The following HDAC10 variants were observed in gnomAD, a reference collection of about 807,000 sequenced individuals.
HDAC10 encodes the protein polyamine deacetylase HDAC10.
In HDAC10, 90 loss-of-function variants were observed where a neutral mutation model predicts 82.3. The ratio of observed to expected loss-of-function variants is 1.09; its 90% CI spans 0.92 to 1.30. HDAC10 has a LOEUF of 1.30. Among genes scored for constraint, HDAC10 ranks in the 50% most tolerant of loss-of-function variants. HDAC10 has a pLI of 0.00. For synonymous variants in HDAC10, 456 were observed against 391.7 expected, an observed-to-expected ratio of 1.16 and a Z score of -1.94; for missense variants, 934 against 876.3, an observed-to-expected ratio of 1.07 and a Z score of -0.83.
Position 50,248,883 on chromosome 22 carries a change from G to A in HDAC10, c.764C>T (p.Pro255Leu), listed in dbSNP as rs1423025145. The A allele has an allele frequency of 1.2e-6, 2 of 1,611,436 alleles. No individual in the cohort carries two copies. The highest frequency in any genetic ancestry group is 1.7e-6 in the Non-Finnish European group (2 of 1,179,424). Residue 255 changes from proline to leucine, a missense_variant, in exon 9 of 20, where the codon CCT becomes CTT. Transcript: ENST00000216271. The surrounding 1 kb of genome is among the most constrained non-coding windows in gnomAD (Gnocchi z 5.4). Reference protein sequence around the residue: ...LLLPLAFEFDPELVLVSAGFD... With the variant: ...LLLPLAFEFDLELVLVSAGFD... ...TCCTGCCGAGACCAGCACCAGCTCA[G>A]GGTCAAACTACAGGCCAGGCCGGAG... is the stretch of plus-strand genomic sequence containing the variant.
chr22:50,247,137 A>AT (rs35992238), intron 14 of HDAC10, 171 bp from the exon 15 acceptor site: 122,010 of 377,952 alleles, frequency 0.32, 10,702 homozygotes, highest in African/African-American at 0.44. Context: ...TACGTCTATA[A>AT]TTTTTTTTTT....
In HDAC10 at chr22:50,251,060, C is replaced by A; in HGVS notation, c.-28G>T. 6.3e-7 allele frequency: 1 copy of A among 1,599,920 alleles called. No homozygotes were observed. Among genetic ancestry groups the A allele is most frequent in the East Asian group, 2.3e-5 (1 of 43,966 alleles). On this transcript the variant is annotated 5_prime_UTR_variant, in exon 1 of 20. Transcript: ENST00000216271. ...CTGCGCCGTGGTCACCCTGGGTTCC[C>A]AAACGCCCTCGCTAGTGGTGCCTGC... is the stretch of plus-strand genomic sequence containing the variant.
chr22:50,248,470 GC>G lies in HDAC10; in HGVS notation c.908del (p.Gly303AlafsTer14). On this transcript the variant is annotated frameshift_variant and splice_region_variant, in exon 11 of 20. Transcript: ENST00000216271. LOFTEE classifies it high-confidence loss of function. The surrounding 1 kb of genome is among the most constrained non-coding windows in gnomAD (Gnocchi z 5.4). Reference sequence around the variant, plus strand: ...CCGCCAGTGACTCCAGGTGGTAGCCGCCCTGGGAGGAGGGTGGAGACATGAT... The same window carrying G: ...CCGCCAGTGACTCCAGGTGGTAGCCGCCTGGGAGGAGGGTGGAGACATGAT... The part of the protein sequence containing the change: ...AGGRVCAVLE[G>X]GYHLESLAES... 6.2e-7 allele frequency: 1 copy of G among 1,605,018 alleles called. No individual in the cohort carries two copies.
intron 14 of HDAC10, 81 bp from the exon 15 acceptor site, chr22:50,247,047 C>A: frequency 1.2e-6 from 1 of 815,244 alleles, no homozygotes; most frequent in South Asian, 1.8e-5. Flanking sequence ...TCCCTTCATT[C>A]GGTGTGTCTC....
chr22:50,245,422 G>C lies in HDAC10; in HGVS notation c.*85C>G, dbSNP rs2064915269. The C allele has an allele frequency of 4.2e-6, 3 of 717,630 alleles. No homozygotes were observed. Among genetic ancestry groups the C allele is most frequent in the Non-Finnish European group, 5.2e-6 (2 of 387,980 alleles). 44.5% of individuals were successfully genotyped at this position (717,630 alleles called of 1,614,324 possible). A position where few individuals can be genotyped will look rare whatever the true frequency, so the allele number is the denominator to read the frequency against. ...TCCGTGCCCCAGAGTCGAGGGAGCC[G>C]TGGGCTTGGGGTCCGGATCGCGGCC... On this transcript the variant is annotated 3_prime_UTR_variant, in exon 20 of 20. Transcript: ENST00000216271.
Position 50,245,380 on chromosome 22 carries a change from T to C in HDAC10, c.*127A>G, listed in dbSNP as rs1432187092. On this transcript the variant is annotated 3_prime_UTR_variant, in exon 20 of 20. Coordinates refer to ENST00000216271, the MANE Select transcript of HDAC10 (RefSeq NM_032019.6). ...GGTGGGAGAGGGCGGGGCGCGGGGATTGGGAGTGGGCGGGGTTCCGTGCCC... is the reference window on the plus strand; with the variant it reads ...GGTGGGAGAGGGCGGGGCGCGGGGACTGGGAGTGGGCGGGGTTCCGTGCCC... The C allele has an allele frequency of 3.0e-6, 2 of 674,124 alleles. No homozygotes were observed. The highest frequency in any genetic ancestry group is 2.8e-5 in the East Asian group (1 of 35,838). 41.8% of individuals were successfully genotyped at this position (674,124 alleles called of 1,614,324 possible).
intron 14 of HDAC10, 181 bp from the exon 15 acceptor site, chr22:50,247,147 T>TC: frequency 2.0e-6 from 1 of 499,762 alleles, no homozygotes; most frequent in South Asian, 3.2e-5. Flanking sequence ...ATTTTTTTTT[T>TC]TTTTTTTAGA....
At chr22:50,247,545 G>A (rs2064984971) in intron 14 of HDAC10, 147 bp downstream of exon 14, 1 of 612,600 alleles carries the variant, frequency 1.6e-6, no homozygotes, top group Non-Finnish European at 2.8e-6. Context: ...GGGCTGTTCT[G>A]GGAACAGTTC....
In HDAC10 at chr22:50,245,541, A is replaced by G; in HGVS notation, c.1987-11T>C. ...CAGGTGAGGATGGCACTACAGGAGGAGCCGAGAAGAGGCGCGCAGTTGGCC... is the reference window on the plus strand; with the variant it reads ...CAGGTGAGGATGGCACTACAGGAGGGGCCGAGAAGAGGCGCGCAGTTGGCC... On this transcript the variant is annotated splice_polypyrimidine_tract_variant and intron_variant, in intron 19 of 19. Coordinates refer to ENST00000216271, the MANE Select transcript of HDAC10 (RefSeq NM_032019.6). 1.9e-6 allele frequency: 2 copies of G among 1,061,440 alleles called. No homozygotes were observed. Among genetic ancestry groups the G allele is most frequent in the East Asian group, 4.7e-5 (2 of 42,334 alleles). 65.8% of individuals were successfully genotyped at this position (1,061,440 alleles called of 1,614,324 possible). A position where few individuals can be genotyped will look rare whatever the true frequency, so the allele number is the denominator to read the frequency against.
rs2065021947 is a variant in HDAC10 at position 50,249,040 on chromosome 22, G to A, written c.756+63C>T. 2.7e-6 allele frequency: 4 copies of A among 1,462,046 alleles called. No individual in the cohort carries two copies. The highest frequency in any genetic ancestry group is 1.4e-5 in the African/African-American group (1 of 71,474). The allele number at this position is 1,462,046 out of a possible 1,614,324, so 90.6% of individuals were successfully genotyped here. A position where few individuals can be genotyped will look rare whatever the true frequency, so the allele number is the denominator to read the frequency against. The stretch of plus-strand genomic sequence containing the variant: ...TAACCCTCCTCCTGCCTTCACTGGC[G>A]CACTCCAGGCACAAGGTCCCCCTCC... On this transcript the variant is annotated intron_variant, in intron 8 of 19. Coordinates refer to ENST00000216271, the MANE Select transcript of HDAC10 (RefSeq NM_032019.6). The surrounding 1 kb of genome is among the most constrained non-coding windows in gnomAD (Gnocchi z 4.4).
intron 2 of HDAC10, 116 bp downstream of exon 2, chr22:50,250,655 G>A (rs2065067581): frequency 7.5e-7 from 1 of 1,329,982 alleles, no homozygotes; most frequent in Non-Finnish European, 1.0e-6. Context: ...CACCCGAGGT[G>A]CATAGGGAGA....
In HDAC10 at chr22:50,249,344, T is replaced by C. The variant is rs781144355; in HGVS notation, c.674A>G (p.Asn225Ser). 1 of 1,610,750 alleles carries C rather than the reference T, an allele frequency of 6.2e-7. No individual in the cohort carries two copies. Among genetic ancestry groups the C allele is most frequent in the Non-Finnish European group, 8.5e-7 (1 of 1,179,290 alleles). The change falls in exon 7 of 20, where the codon AAC (asparagine) becomes AGC (serine). Residue 225 changes from asparagine (N) to serine (S), a missense_variant. Coordinates refer to ENST00000216271, the MANE Select transcript of HDAC10 (RefSeq NM_032019.6). This position sits in a 1 kb window ranked among gnomAD's most constrained non-coding sequence, Gnocchi z 4.4. Reference protein sequence around the residue: ...GRGQGLGFTVNLPWNQVGMGN... With the variant: ...GRGQGLGFTVSLPWNQVGMGN... ...GGTGGGCACCTGGTTCCAGGGCAGG[T>C]TGACAGTGAAGCCGAGGCCCTGTCC...
In HDAC10 at chr22:50,245,670, C is replaced by T. The variant is rs2064924387; in HGVS notation, c.1986+5G>A. On this transcript the variant is annotated splice_donor_5th_base_variant and intron_variant, in intron 19 of 19. Transcript: ENST00000216271. ...GCAGGGCCATGCCTCCGCAGTCAGC[C>T]TCACCTGCAACATCTTCCACTGAGG... 1 of 1,612,966 alleles carries T rather than the reference C, an allele frequency of 6.2e-7. No homozygotes were observed. The highest frequency in any genetic ancestry group is 1.7e-5 in the Admixed American group (1 of 60,006).
At chr22:50,246,433 C>G in intron 16 of HDAC10, 57 bp from the exon 17 acceptor site, 1 of 1,438,680 alleles carries the variant, frequency 7.0e-7, no homozygotes, top group Non-Finnish European at 9.7e-7. Flanking sequence ...GAGCCCAAAC[C>G]GCAGAGGCAG....
In HDAC10 at chr22:50,246,473, C is replaced by T. The variant is rs116551091; in HGVS notation, c.1572-97G>A. The T allele has an allele frequency of 1.1e-3, 1,325 of 1,168,624 alleles. 13 individuals carry two copies. In the African/African-American group the frequency reaches 0.018, roughly 16 times the overall value. The allele number at this position is 1,168,624 out of a possible 1,614,324, so 72.4% of individuals were successfully genotyped here. On this transcript the variant is annotated intron_variant, in intron 16 of 19. Coordinates refer to ENST00000216271, the MANE Select transcript of HDAC10 (RefSeq NM_032019.6). ...GGAAGAGCATTCACGGGGCCATGGG[C>T]AGGGGTGCTGTGACTGCTGAGCCTC...
chr22:50,245,573 G>T, intron 19 of HDAC10, 43 bp from the exon 20 acceptor site: 2 of 1,455,396 alleles, frequency 1.4e-6, no homozygotes, highest in Non-Finnish European at 1.9e-6. Context: ...GGCCTCCGGC[G>T]CTGGAGCTGG....
chr22:50,246,314 G>A lies in HDAC10; in HGVS notation c.1634C>T (p.Ser545Phe), dbSNP rs777318498. 4.3e-6 allele frequency: 7 copies of A among 1,613,082 alleles called. No individual in the cohort carries two copies. The South Asian group carries it at 5.5e-5, about 13-fold the overall frequency. Residue 545 changes from serine to phenylalanine, a missense_variant, in exon 17 of 20, where the codon TCC (serine) becomes TTC (phenylalanine). Ser to Phe is a radical substitution (Grantham distance 155, BLOSUM62 -2). Transcript: ENST00000216271. ...GTCACTCACCACTGGCAGTGGCGTG[G>A]AGACATGGAACATGGATAGGGCAGC... The part of the protein sequence containing the change: ...EAAALSMFHV[S>F]TPLPVMTGGF...
In HDAC10 at chr22:50,246,434, G is replaced by A. The variant is rs182113508; in HGVS notation, c.1572-58C>T. The A allele has an allele frequency of 7.1e-4, 995 of 1,403,916 alleles. 3 individuals carry two copies. In the African/African-American group the frequency reaches 0.012, roughly 17 times the overall value. The allele number at this position is 1,403,916 out of a possible 1,614,324, so 87.0% of individuals were successfully genotyped here. ...CTGCTCACCCTCCTGAGCCCAAACC[G>A]CAGAGGCAGAGGTGGAAGAGCATTC... On this transcript the variant is annotated intron_variant, in intron 16 of 19. Coordinates refer to ENST00000216271, the MANE Select transcript of HDAC10 (RefSeq NM_032019.6).
At position 50,246,906 on chromosome 22, in the gene HDAC10, C is replaced by G. The variant is rs2147231973; in HGVS notation, c.1483G>C (p.Val495Leu). 6.2e-7 allele frequency: 1 copy of G among 1,612,326 alleles called. No homozygotes were observed. The highest frequency in any genetic ancestry group is 8.5e-7 in the Non-Finnish European group (1 of 1,179,328). ...SAAAATLDVA[V>L]RRGLSHGAQR... Reference sequence around the variant, plus strand: ...GCTCCGTGGGACAGGCCTCTCCGAACAGCCACATCCAGGGTGGCTGCTGCA... The same window carrying G: ...GCTCCGTGGGACAGGCCTCTCCGAAGAGCCACATCCAGGGTGGCTGCTGCA... Residue 495 changes from valine (V) to leucine (L), a missense_variant, in exon 15 of 20, where the codon GTT becomes CTT. Val to Leu is a conservative substitution (Grantham distance 32). Coordinates refer to ENST00000216271, the MANE Select transcript of HDAC10 (RefSeq NM_032019.6).
Sources: gnomAD v4.1 joint callset for allele counts on GRCh38, gnomAD v4.1.1 for gene constraint, Gnocchi (gnomAD v3.1) non-coding constraint, MANE v1.5 for transcripts, NCBI Gene and HGNC (gene_info 2026-07-23, HGNC 2026-07-21) for gene names.